Variants in DSCAM observed in about 807,000 individuals in gnomAD.
DSCAM encodes the protein cell adhesion molecule DSCAM.
A neutral mutation model predicts 217.7 loss-of-function variants in DSCAM; 47 were observed. The ratio of observed to expected loss-of-function variants is 0.22; its 90% confidence interval spans 0.17 to 0.28. DSCAM has a LOEUF of 0.28. Ranked by LOEUF, DSCAM falls within the 10% of genes least tolerant of loss-of-function variation. The pLI is 1.00. For missense variants in DSCAM, 2,080 were observed against 2,618.3 expected (o/e 0.79, Z 4.49); for synonymous variants, 1,056 against 1,015.3 (o/e 1.04, Z -0.76).
chr21:40,569,860 T>C (rs1402098989), intron 3 of DSCAM, among the ~76,000 whole-genome samples: 1 of 152,018 alleles, frequency 6.6e-6, no homozygotes, highest in Non-Finnish European at 1.5e-5. Context: ...GAGCAAAATA[T>C]AAATTTAAAA....
intron 5 of DSCAM, among the ~76,000 whole-genome samples, chr21:40,348,329 T>C (rs61580759): frequency 0.036 from 5,037 of 141,506 alleles, no homozygotes; most frequent in South Asian, 0.042. Context: ...TCATACCCCA[T>C]ACATTTTGTA....
chr21:40,029,300 A>G (rs116705014), intron 32 of DSCAM, among the ~76,000 whole-genome samples: 1 of 152,152 alleles, frequency 6.6e-6, no homozygotes, highest in Non-Finnish European at 1.5e-5. Context: ...ATGCACCCTA[A>G]CACAGCCTGC....
chr21:40,709,167 T>A (rs573881836), intron 1 of DSCAM, among the ~76,000 whole-genome samples: 1 of 152,122 alleles, frequency 6.6e-6, no homozygotes, highest in Non-Finnish European at 1.5e-5. Flanking sequence ...CTCCCACTAT[T>A]ACCTGGAGCA....
chr21:40,552,754 T>C (rs1376081668), intron 3 of DSCAM, among the ~76,000 whole-genome samples: 1 of 152,214 alleles, frequency 6.6e-6, no homozygotes, highest in Admixed American at 6.5e-5. Context: ...ACAATGTTTA[T>C]GTATTTTCAC....
Position 40,702,599 on chromosome 21 carries a change from G to A in DSCAM, c.361+5855C>T, listed in dbSNP as rs115664941. On this transcript the variant is annotated intron_variant, in intron 2 of 32. Coordinates refer to ENST00000400454, the MANE Select transcript of DSCAM (RefSeq NM_001389.5). Reference sequence around the variant, plus strand: ...TGGCAATTTCTGCCTTATAATTCAGGTTACTGGAACATTTAAATTTAATGT... The same window carrying A: ...TGGCAATTTCTGCCTTATAATTCAGATTACTGGAACATTTAAATTTAATGT... Among the ~76,000 whole-genome samples the A allele has an allele frequency of 9.0e-3, 1,363 of 151,994 alleles. 19 individuals carry two copies. The highest frequency in any genetic ancestry group is 0.031 in the African/African-American group (1,294 of 41,474).
At chr21:40,406,011 A>G (rs1454435220) in intron 3 of DSCAM, among the ~76,000 whole-genome samples, 3 of 152,176 alleles carry the variant, frequency 2.0e-5, no homozygotes, top group Non-Finnish European at 4.4e-5. Flanking sequence ...ACAACAAAGA[A>G]AGATGATATA....
At chr21:40,094,369 T>G (rs371158081) in intron 20 of DSCAM, among the ~76,000 whole-genome samples, 124 of 152,196 alleles carry the variant, frequency 8.1e-4, no homozygotes, top group African/African-American at 2.8e-3. Flanking sequence ...CCTCCTCAAC[T>G]CGGGAGGTTG....
chr21:40,460,049 T>G (rs2075793906), intron 3 of DSCAM, among the ~76,000 whole-genome samples: 1 of 152,206 alleles, frequency 6.6e-6, no homozygotes, highest in African/African-American at 2.4e-5. Flanking sequence ...ACACCGCATT[T>G]TCTCACTTAT....
intron 31 of DSCAM, 55 bp from the exon 32 acceptor site, chr21:40,042,728 C>A: frequency 1.3e-6 from 2 of 1,510,030 alleles, no homozygotes; most frequent in Non-Finnish European, 8.9e-7. Context: ...AAGTCTGAAC[C>A]AACGGCATGG....
chr21:40,259,867 T>A (rs1231598687), intron 11 of DSCAM, among the ~76,000 whole-genome samples: 5 of 151,796 alleles, frequency 3.3e-5, no homozygotes, highest in Non-Finnish European at 5.9e-5. Flanking sequence ...TTGTTCGGTG[T>A]ACTCTTGTAC....
At chr21:40,547,112 C>G (rs939420142) in intron 3 of DSCAM, among the ~76,000 whole-genome samples, 1 of 152,150 alleles carries the variant, frequency 6.6e-6, no homozygotes, top group South Asian at 2.1e-4. Context: ...CCTCTCTGTC[C>G]CCAACCCTGT....
At chr21:40,596,249 T>C (rs2146252850) in intron 3 of DSCAM, among the ~76,000 whole-genome samples, 1 of 152,328 alleles carries the variant, frequency 6.6e-6, no homozygotes, top group East Asian at 1.9e-4. Context: ...TATTTTTATA[T>C]CTGCAGGATC....
intron 1 of DSCAM, among the ~76,000 whole-genome samples, chr21:40,731,738 C>CCT (rs1313607847): frequency 7.6e-6 from 1 of 131,488 alleles, no homozygotes; most frequent in East Asian, 2.7e-4. Context: ...ACCCCCCCCC[C>CCT]CGCCCCCCGG....
rs536147656 is a variant in DSCAM, at chr21:40,285,811, T to C, written c.2183-9541A>G. Reference sequence around the variant, plus strand: ...AGAGATGTTGCCTTCTTCTCGTTTTTGGATTATTTGAATTCTTTCCCCATA... The same window carrying C: ...AGAGATGTTGCCTTCTTCTCGTTTTCGGATTATTTGAATTCTTTCCCCATA... On this transcript the variant is annotated intron_variant, in intron 10 of 32. Transcript: ENST00000400454. Among the ~76,000 whole-genome samples the C allele has an allele frequency of 1.2e-4, 19 of 152,310 alleles. 1 individual carries two copies. The highest frequency in any genetic ancestry group is 3.3e-4 in the Admixed American group (5 of 15,308).
intron 2 of DSCAM, among the ~76,000 whole-genome samples, chr21:40,705,309 G>C (rs545416149): frequency 6.6e-6 from 1 of 152,298 alleles, no homozygotes; most frequent in South Asian, 2.1e-4. Context: ...GCAAGCATAG[G>C]ACACATCTTA....
intron 1 of DSCAM, among the ~76,000 whole-genome samples, chr21:40,718,799 C>A (rs1354252384): frequency 6.6e-6 from 1 of 152,246 alleles, no homozygotes; most frequent in East Asian, 1.9e-4. Flanking sequence ...TAATGAACTC[C>A]TACACACCAA....
At chr21:40,517,752 G>A (rs1424866632) in intron 3 of DSCAM, among the ~76,000 whole-genome samples, 1 of 152,126 alleles carries the variant, frequency 6.6e-6, no homozygotes, top group Non-Finnish European at 1.5e-5. Context: ...GTTCTGGGGT[G>A]CTGCTGTGGG....
At chr21:40,058,690 T>A (rs1018040023) in intron 28 of DSCAM, among the ~76,000 whole-genome samples, 1 of 152,230 alleles carries the variant, frequency 6.6e-6, no homozygotes. Context: ...TTACTTAATA[T>A]TTGCTGTCAC....
At chr21:40,719,428 G>A (rs1164198669) in intron 1 of DSCAM, among the ~76,000 whole-genome samples, 1 of 152,142 alleles carries the variant, frequency 6.6e-6, no homozygotes, top group East Asian at 1.9e-4. Flanking sequence ...TGTACACTGT[G>A]ACTCAACAAT....
Sources: allele counts gnomAD v4.1 joint callset (sites outside exome capture counted in the v4.1 genomes callset), GRCh38; gene constraint gnomAD v4.1.1; transcripts MANE v1.5; gene names NCBI Gene and HGNC (gene_info 2026-07-23, HGNC 2026-07-21).